The following SLC6A5 variants were observed in gnomAD, a reference collection of about 807,000 sequenced individuals.
SLC6A5 encodes sodium- and chloride-dependent glycine transporter 2.
In SLC6A5, 58 loss-of-function variants were observed where a neutral mutation model predicts 90.5. The ratio of observed to expected loss-of-function variants is 0.64; its 90% confidence interval spans 0.52 to 0.80. The LOEUF (loss-of-function observed/expected upper bound fraction) is 0.80. Ranked by LOEUF, SLC6A5 falls within the 30% of genes least tolerant of loss-of-function variation. The pLI, the probability that SLC6A5 is intolerant of heterozygous loss-of-function variation, is 0.00. For missense variants in SLC6A5, 1,015 were observed against 1,017.6 expected, an observed-to-expected ratio of 1.00 and a Z score of 0.03; for synonymous variants, 427 against 401.4, an observed-to-expected ratio of 1.06 and a Z score of -0.76.
chr11:20,615,879 A>G lies in SLC6A5; in HGVS notation c.1127+1059A>G, dbSNP rs75908308. 0.026 allele frequency among the ~76,000 whole-genome samples: 4,028 copies of G among 152,302 alleles called. 425 individuals are homozygous for G. In the East Asian group the frequency reaches 0.35, roughly 13 times the overall value. ...AAGAGGCTGCCTGTCGCATGTAAGGAAAGCCACTGGTGCCCAGCTCCTCTG... is the reference window on the plus strand; with the variant it reads ...AAGAGGCTGCCTGTCGCATGTAAGGGAAGCCACTGGTGCCCAGCTCCTCTG... On this transcript the variant is annotated intron_variant, in intron 6 of 15. Coordinates refer to ENST00000525748, the MANE Select transcript of SLC6A5 (RefSeq NM_004211.5).
At chr11:20,617,244 A>G (rs1852799286) in intron 6 of SLC6A5, among the ~76,000 whole-genome samples, 1 of 152,256 alleles carries the variant, frequency 6.6e-6, no homozygotes. Context: ...GCCTCAGGAC[A>G]TACCCACACA....
chr11:20,651,265 C>G (rs1409472122), intron 14 of SLC6A5, among the ~76,000 whole-genome samples: 1 of 136,374 alleles, frequency 7.3e-6, no homozygotes, highest in Non-Finnish European at 1.6e-5. Flanking sequence ...CTCTCCCCCA[C>G]CCCTCCTATG....
chr11:20,626,590 C>T (rs1487341665), intron 7 of SLC6A5, 118 bp from the exon 8 acceptor site: 1 of 1,141,854 alleles, frequency 8.8e-7, no homozygotes, highest in South Asian at 1.3e-5. Flanking sequence ...TTGGGGACAA[C>T]TACCCTGATG....
At chr11:20,604,587 CG>C (rs1048939040) in intron 3 of SLC6A5, among the ~76,000 whole-genome samples, 163 bp downstream of exon 3, 3 of 152,254 alleles carry the variant, frequency 2.0e-5, no homozygotes, top group Non-Finnish European at 4.4e-5. Flanking sequence ...AACCAGAGGG[CG>C]GGGGCGACCA....
In SLC6A5 at chr11:20,657,646, G is replaced by A. The variant is rs1853653535; in HGVS notation, c.*2778G>A. On this transcript the variant is annotated 3_prime_UTR_variant, in exon 16 of 16. Transcript: ENST00000525748. Reference sequence around the variant, plus strand: ...TCAAAGTGGGGGAAAAAACCGAGTAGCTGAGGAAAGACTTTCATTGGTTCA... The same window carrying A: ...TCAAAGTGGGGGAAAAAACCGAGTAACTGAGGAAAGACTTTCATTGGTTCA... 1 of 152,230 alleles carries A rather than the reference G, an allele frequency of 6.6e-6. No homozygotes were observed. Among genetic ancestry groups the A allele is most frequent in the African/African-American group, 2.4e-5 (1 of 41,462 alleles). The allele number at this position is 152,230 out of a possible 1,614,324, so 9.4% of individuals were successfully genotyped here.
intron 15 of SLC6A5, 128 bp from the exon 16 acceptor site, chr11:20,654,585 A>T: frequency 1.2e-6 from 1 of 837,512 alleles, no homozygotes; most frequent in South Asian, 1.4e-5. Context: ...CTCTTGGTAG[A>T]GGGCCTCTTG....
chr11:20,607,348 C>A, intron 4 of SLC6A5, 131 bp from the exon 5 acceptor site: 1 of 1,203,296 alleles, frequency 8.3e-7, no homozygotes, highest in Non-Finnish European at 1.2e-6. Flanking sequence ...GGTAGACATA[C>A]AGTCCACTCT....
intron 14 of SLC6A5, among the ~76,000 whole-genome samples, chr11:20,649,946 T>G (rs1017378221): frequency 7.9e-5 from 12 of 152,216 alleles, no homozygotes; most frequent in African/African-American, 2.7e-4. Flanking sequence ...GTCTTTGGGC[T>G]CATGTTGCTT....
intron 10 of SLC6A5, among the ~76,000 whole-genome samples, chr11:20,632,622 G>C (rs1378626040): frequency 6.6e-6 from 1 of 152,158 alleles, no homozygotes; most frequent in African/African-American, 2.4e-5. Flanking sequence ...TCTTCTCCCA[G>C]ACCCACTGGG....
intron 3 of SLC6A5, among the ~76,000 whole-genome samples, chr11:20,605,782 G>T (rs1428269740): frequency 6.6e-6 from 1 of 152,226 alleles, no homozygotes; most frequent in African/African-American, 2.4e-5. Flanking sequence ...ACTGCGGCTC[G>T]AGGCCCCTCA....
intron 14 of SLC6A5, among the ~76,000 whole-genome samples, chr11:20,647,211 CTATA>C (rs10597763): frequency 1.6e-5 from 2 of 127,410 alleles, no homozygotes; most frequent in African/African-American, 2.8e-5. Flanking sequence ...ATATCAGTTC[CTATA>C]TATATATATA....
rs754519573 is a variant in SLC6A5, at chr11:20,599,676, G to A, written c.3+1G>A. 1.2e-6 allele frequency: 2 copies of A among 1,614,102 alleles called. No individual in the cohort carries two copies. The highest frequency in any genetic ancestry group is 8.5e-7 in the Non-Finnish European group (1 of 1,179,986). ...CAGTCTGTTGCCTGTGTCAGACATG[G>A]TGAGTGTTTGCTTTTGTTCTTTCAA... On this transcript the variant is annotated splice_donor_variant, in intron 1 of 15. Coordinates refer to ENST00000525748, the MANE Select transcript of SLC6A5 (RefSeq NM_004211.5). LOFTEE classifies it high-confidence loss of function.
At chr11:20,602,099 G>C (rs1306865118) in intron 2 of SLC6A5, among the ~76,000 whole-genome samples, 1 of 152,212 alleles carries the variant, frequency 6.6e-6, no homozygotes, top group Non-Finnish European at 1.5e-5. Context: ...AGGGGTAGGA[G>C]GATAATAGTT....
At chr11:20,648,418 G>A (rs987775701) in intron 14 of SLC6A5, among the ~76,000 whole-genome samples, 2 of 152,026 alleles carry the variant, frequency 1.3e-5, no homozygotes, top group South Asian at 2.1e-4. Flanking sequence ...CTCCCTCTGC[G>A]TTGACATGAA....
At position 20,626,725 on chromosome 11, in the gene SLC6A5, C is replaced by T; in HGVS notation, c.1278C>T (p.Ala426=). The T allele has an allele frequency of 6.2e-7, 1 of 1,614,094 alleles. No individual in the cohort carries two copies. The highest frequency in any genetic ancestry group is 8.5e-7 in the Non-Finnish European group (1 of 1,179,956). Residue 426 remains alanine, a synonymous_variant, in exon 8 of 16, where the codon GCC becomes GCT. Transcript: ENST00000525748. ...KTSGKVVYFT[A]TFPYVVLVIL... ...TTTTCTAGGTGGTGTACTTCACGGCCACGTTCCCGTATGTCGTACTCGTGA... is the reference window on the plus strand; with the variant it reads ...TTTTCTAGGTGGTGTACTTCACGGCTACGTTCCCGTATGTCGTACTCGTGA...
chr11:20,649,537 C>T (rs951945473), intron 14 of SLC6A5, among the ~76,000 whole-genome samples: 9 of 152,156 alleles, frequency 5.9e-5, no homozygotes, highest in Admixed American at 1.3e-4. Flanking sequence ...AAATGAGTGT[C>T]GGAGGACCAA....
intron 11 of SLC6A5, 146 bp from the exon 12 acceptor site, chr11:20,637,025 GC>G (rs1853220816): frequency 2.5e-6 from 2 of 810,284 alleles, no homozygotes; most frequent in Non-Finnish European, 4.2e-6. Flanking sequence ...CCCCAAGGAG[GC>G]TTTTTAGACC....
intron 2 of SLC6A5, 51 bp downstream of exon 2, chr11:20,601,716 G>A: frequency 1.3e-6 from 2 of 1,547,532 alleles, no homozygotes; most frequent in Non-Finnish European, 1.7e-6. Context: ...CCAGCTGCGC[G>A]AGAGAGGCCA....
chr11:20,604,442 T>C lies in SLC6A5; in HGVS notation c.679+18T>C. The C allele has an allele frequency of 6.2e-7, 1 of 1,612,338 alleles. No homozygotes were observed. The highest frequency in any genetic ancestry group is 8.5e-7 in the Non-Finnish European group (1 of 1,179,426). On this transcript the variant is annotated intron_variant, in intron 3 of 15. Coordinates refer to ENST00000525748, the MANE Select transcript of SLC6A5 (RefSeq NM_004211.5). ...CGGGGGAGGTATGGCTTTTCCGCTCTTTCCGCCTGCGGCGGGGCGGGGCGG... is the reference window on the plus strand; with the variant it reads ...CGGGGGAGGTATGGCTTTTCCGCTCCTTCCGCCTGCGGCGGGGCGGGGCGG...
Sources: gnomAD v4.1 joint callset for allele counts (sites outside exome capture counted in the v4.1 genomes callset) on GRCh38, gnomAD v4.1.1 for gene constraint, MANE v1.5 for transcripts, NCBI Gene and HGNC (gene_info 2026-07-23, HGNC 2026-07-21) for gene names.